The following IGFN1 variants were observed in gnomAD, a reference collection of about 807,000 sequenced individuals.
IGFN1 encodes the protein immunoglobulin-like and fibronectin type III domain-containing protein 1.
IGFN1 carries 253 observed loss-of-function variants against 289.5 expected under a neutral mutation model. The ratio of observed to expected loss-of-function variants is 0.87; its 90% confidence interval spans 0.79 to 0.97. The LOEUF is 0.97. Ranked by LOEUF, IGFN1 falls within the 50% of genes least tolerant of loss-of-function variation. The probability of loss-of-function intolerance (pLI) is 0.00; values close to 1 mark genes in which losing one functional copy is unlikely to be tolerated. For missense variants in IGFN1, 4,470 were observed against 4,686.1 expected (o/e 0.95, Z 1.35); for synonymous variants, 1,706 against 1,788.5 (o/e 0.95, Z 1.16).
At chr1:201,201,621 C>A in intron 8 of IGFN1, 98 bp from the exon 9 acceptor site, 1 of 659,468 alleles carries the variant, frequency 1.5e-6, no homozygotes. Flanking sequence ...ATCTGGAACG[C>A]TGTGGGCCTG....
intron 2 of IGFN1, among the ~76,000 whole-genome samples, chr1:201,193,735 AGCCACCGT>A (rs1421611442): frequency 2.0e-5 from 3 of 152,048 alleles, no homozygotes; most frequent in Non-Finnish European, 4.4e-5. Context: ...TACTGGCGTA[AGCCACCGT>A]GCTTGGCTTT....
chr1:201,224,481 C>T (rs1249471898), intron 20 of IGFN1, among the ~76,000 whole-genome samples, 198 bp from the exon 21 acceptor site: 1 of 152,174 alleles, frequency 6.6e-6, no homozygotes, highest in East Asian at 1.9e-4. Flanking sequence ...CCCTACCATA[C>T]CCGCCTGCCA....
At chr1:201,221,000 A>G (rs1351117207) in intron 18 of IGFN1, among the ~76,000 whole-genome samples, 1 of 152,188 alleles carries the variant, frequency 6.6e-6, no homozygotes, top group Non-Finnish European at 1.5e-5. Flanking sequence ...GTTCTCATGT[A>G]ATAAGTGGAG....
chr1:201,202,101 C>T (rs1031398237), intron 9 of IGFN1, among the ~76,000 whole-genome samples: 17 of 152,134 alleles, frequency 1.1e-4, no homozygotes, highest in African/African-American at 2.7e-4. Context: ...CACCAGAGCA[C>T]GGGGGTGAAA....
chr1:201,208,470 G>A lies in IGFN1; in HGVS notation c.3577G>A (p.Ala1193Thr), dbSNP rs573391056. The part of the protein sequence containing the change: ...RDDTRHPESL[A>T]PHNGAASGSQ... Reference sequence around the variant, plus strand: ...TGATACCAGGCACCCTGAGTCACTCGCACCTCACAATGGGGCCGCTTCTGG... The same window carrying A: ...TGATACCAGGCACCCTGAGTCACTCACACCTCACAATGGGGCCGCTTCTGG... The change falls in exon 12 of 24, where the codon GCA (alanine) becomes ACA (threonine). Residue 1193 changes from alanine to threonine, a missense_variant. By Grantham distance (58) the Ala-to-Thr change is moderately conservative. Transcript: ENST00000335211. 7 of 1,446,182 alleles carry A rather than the reference G, an allele frequency of 4.8e-6. No individual in the cohort carries two copies. Among genetic ancestry groups the A allele is most frequent in the Admixed American group, 5.7e-5 (2 of 35,196 alleles). 89.6% of individuals were successfully genotyped at this position (1,446,182 alleles called of 1,614,324 possible).
Position 201,207,498 on chromosome 1 carries a change from G to A in IGFN1, c.2605G>A (p.Gly869Ser). The change falls in exon 12 of 24, where the codon GGT becomes AGT. Residue 869 changes from glycine to serine, a missense_variant. By Grantham distance (56) the Gly-to-Ser change is moderately conservative (BLOSUM62 0). This residue lies in a region of IGFN1 where 2,011 missense variants were observed against 1,953.4 expected (regional missense o/e 1.03). Coordinates refer to ENST00000335211, the MANE Select transcript of IGFN1 (RefSeq NM_001164586.2). ...LGPSGGQEGM[G>S]GIWVAGLTES... is the part of the protein sequence containing the mutation. ...GCCCAGTGGAGGACAAGAGGGTATG[G>A]GTGGTATCTGGGTGGCTGGACTGAC... 1 of 1,535,008 alleles carries A rather than the reference G, an allele frequency of 6.5e-7. No homozygotes were observed. The highest frequency in any genetic ancestry group is 8.7e-7 in the Non-Finnish European group (1 of 1,145,800).
intron 19 of IGFN1, among the ~76,000 whole-genome samples, 178 bp downstream of exon 19, chr1:201,221,924 T>A (rs574017149): frequency 6.6e-6 from 1 of 152,220 alleles, no homozygotes; most frequent in Non-Finnish European, 1.5e-5. Context: ...TTCTTAGAAA[T>A]GTTTTCTCAT....
chr1:201,205,322 T>G lies in IGFN1; in HGVS notation c.1157T>G (p.Leu386Arg). 6.5e-7 allele frequency: 1 copy of G among 1,545,996 alleles called. No individual in the cohort carries two copies. The highest frequency in any genetic ancestry group is 8.7e-7 in the Non-Finnish European group (1 of 1,143,112). The change falls in exon 11 of 24, where the codon CTC (leucine) becomes CGC (arginine). Residue 386 changes from leucine to arginine, a missense_variant. This residue lies in a region of IGFN1 where 2,011 missense variants were observed against 1,953.4 expected (regional missense o/e 1.03). Transcript: ENST00000335211. ...DMGPYSLGTGLYTSSAWLVVE... is the reference protein window; with the variant it reads ...DMGPYSLGTGRYTSSAWLVVE... ...GGCCCCTATTCGCTGGGCACCGGGC[T>G]CTACACTTCCAGCGCCTGGCTGGTG...
Position 201,226,912 on chromosome 1 carries a change from G to A in IGFN1, c.10817G>A (p.Arg3606Gln), listed in dbSNP as rs552674467. 7.8e-5 allele frequency: 126 copies of A among 1,605,790 alleles called. No homozygotes were observed. Among genetic ancestry groups the A allele is most frequent in the Non-Finnish European group, 8.6e-5 (101 of 1,175,508 alleles). Residue 3606 changes from arginine to glutamine, a missense_variant, in exon 23 of 24, where the codon CGG (arginine) becomes CAG (glutamine). By Grantham distance (43) the Arg-to-Gln change is conservative (BLOSUM62 1). Coordinates refer to ENST00000335211, the MANE Select transcript of IGFN1 (RefSeq NM_001164586.2). Reference protein sequence around the residue: ...DRFTVKAPCYREPDLSQKPRF... With the variant: ...DRFTVKAPCYQEPDLSQKPRF... ...TTCACAGTGAAGGCTCCGTGCTACC[G>A]GGAGCCCGACCTGAGCCAGAAGCCC...
At position 201,212,115 on chromosome 1, in the gene IGFN1, C is replaced by G; in HGVS notation, c.7222C>G (p.Arg2408Gly). The change falls in exon 12 of 24, where the codon CGA (arginine) becomes GGA (glycine). Residue 2408 changes from arginine to glycine, a missense_variant. Coordinates refer to ENST00000335211, the MANE Select transcript of IGFN1 (RefSeq NM_001164586.2). ...CACGAACTCCAAGGATGGTCCAGAG[C>G]GAGCCAGGGAAACCAGGCTTGTGGA... ...GDTNSKDGPE[R>G]ARETRLVDGA... 1.3e-6 allele frequency: 2 copies of G among 1,536,410 alleles called. No homozygotes were observed. Among genetic ancestry groups the G allele is most frequent in the East Asian group, 2.4e-5 (1 of 40,910 alleles).
At chr1:201,193,406 CTTG>C (rs1666748084) in intron 2 of IGFN1, 106 bp downstream of exon 2, 15 of 765,764 alleles carry the variant, frequency 2.0e-5, no homozygotes, top group East Asian at 2.7e-5. Context: ...ACTTGCCCAT[CTTG>C]TTGTTGTTTT....
chr1:201,206,015 G>T, intron 11 of IGFN1, 68 bp from the exon 12 acceptor site: 1 of 1,151,108 alleles, frequency 8.7e-7, no homozygotes. Flanking sequence ...TTTAACAGGA[G>T]TTTTGGTATT....
chr1:201,216,742 T>C lies in IGFN1; in HGVS notation c.9584T>C (p.Val3195Ala), dbSNP rs773352586. Residue 3195 changes from valine (V) to alanine (A), a missense_variant, in exon 16 of 24, where the codon GTG (valine) becomes GCG (alanine). By Grantham distance (64) the Val-to-Ala change is moderately conservative. Transcript: ENST00000335211. ...GEALESEEIL[V>A]APEALPKAPS... is the part of the protein sequence containing the mutation. Reference sequence around the variant, plus strand: ...GCCCTGGAGTCTGAGGAGATATTGGTGGCTCCTGAGGGTGAGAGAAAAGGC... The same window carrying C: ...GCCCTGGAGTCTGAGGAGATATTGGCGGCTCCTGAGGGTGAGAGAAAAGGC... 1 of 1,604,210 alleles carries C rather than the reference T, an allele frequency of 6.2e-7. No individual in the cohort carries two copies. The highest frequency in any genetic ancestry group is 8.5e-7 in the Non-Finnish European group (1 of 1,174,276).
intron 18 of IGFN1, 45 bp downstream of exon 18, chr1:201,218,703 G>T: frequency 6.4e-7 from 1 of 1,567,292 alleles, no homozygotes; most frequent in Non-Finnish European, 8.6e-7. Context: ...GTGAGCATGG[G>T]ATAGCCCTGA....
chr1:201,206,020 G>A, intron 11 of IGFN1, 63 bp from the exon 12 acceptor site: 2 of 1,174,038 alleles, frequency 1.7e-6, no homozygotes, highest in Non-Finnish European at 2.4e-6. Flanking sequence ...CAGGAGTTTT[G>A]GTATTTTCTC....
At position 201,206,277 on chromosome 1, in the gene IGFN1, A is replaced by G. The variant is rs1167539891; in HGVS notation, c.1384A>G (p.Arg462Gly). 6.5e-7 allele frequency: 1 copy of G among 1,549,090 alleles called. No individual in the cohort carries two copies. Among genetic ancestry groups the G allele is most frequent in the South Asian group, 1.2e-5 (1 of 83,964 alleles). Reference sequence around the variant, plus strand: ...GCTCCAGCACATAGCCAGCCCAGACAGGGATGGCCTTGGCAGACATGGCTA... The same window carrying G: ...GCTCCAGCACATAGCCAGCCCAGACGGGGATGGCCTTGGCAGACATGGCTA... ...SGLQHIASPD[R>G]DGLGRHGYSL... Residue 462 changes from arginine to glycine, a missense_variant, in exon 12 of 24, where the codon AGG becomes GGG. This residue lies in a region of IGFN1 where 2,011 missense variants were observed against 1,953.4 expected (regional missense o/e 1.03). Transcript: ENST00000335211.
At chr1:201,219,195 A>G (rs929184152) in intron 18 of IGFN1, among the ~76,000 whole-genome samples, 2 of 152,232 alleles carry the variant, frequency 1.3e-5, no homozygotes, top group Non-Finnish European at 1.5e-5. Context: ...CCCATCAGGC[A>G]GGGCGGAGGG....
intron 5 of IGFN1, 40 bp downstream of exon 5, chr1:201,197,357 C>A: frequency 8.2e-7 from 1 of 1,216,922 alleles, no homozygotes; most frequent in Non-Finnish European, 1.2e-6. Context: ...GTGCACAGGG[C>A]AGAGACCCAC....
chr1:201,211,485 G>C lies in IGFN1; in HGVS notation c.6592G>C (p.Asp2198His). 1 of 1,502,762 alleles carries C rather than the reference G, an allele frequency of 6.7e-7. No individual in the cohort carries two copies. The highest frequency in any genetic ancestry group is 1.4e-5 in the African/African-American group (1 of 71,146). The allele number at this position is 1,502,762 out of a possible 1,614,324, so 93.1% of individuals were successfully genotyped here. Residue 2198 changes from aspartate (D) to histidine (H), a missense_variant, in exon 12 of 24, where the codon GAT becomes CAT. Around this residue, in one of 8 missense-constraint regions of IGFN1, gnomAD observed 2,218 missense variants for 2,114.1 expected, o/e 1.05. Coordinates refer to ENST00000335211, the MANE Select transcript of IGFN1 (RefSeq NM_001164586.2). ...TTCAGGGAGTAAGGCAGGTTTCAGGGATGGTTTAGGGGGTTCTGAAGAAAT... is the reference window on the plus strand; with the variant it reads ...TTCAGGGAGTAAGGCAGGTTTCAGGCATGGTTTAGGGGGTTCTGAAGAAAT... Reference protein sequence around the residue: ...MGSGSKAGFRDGLGGSEEMGS... With the variant: ...MGSGSKAGFRHGLGGSEEMGS...
Sources: allele counts gnomAD v4.1 joint callset (sites outside exome capture counted in the v4.1 genomes callset), GRCh38; gene constraint gnomAD v4.1.1; regional missense constraint gnomAD v4.1.1; transcripts MANE v1.5; gene names NCBI Gene and HGNC (gene_info 2026-07-23, HGNC 2026-07-21).